Variants in KLHL29 observed in about 807,000 individuals in gnomAD.
KLHL29 encodes kelch like family member 29.
KLHL29 carries 21 observed loss-of-function variants against 80.4 expected under a neutral mutation model. The observed-to-expected ratio is 0.26, with a 90% CI of 0.19 to 0.38. KLHL29 has a LOEUF of 0.38. KLHL29 is among the 10% of genes least tolerant of loss of function. The pLI, the probability that KLHL29 is intolerant of heterozygous loss-of-function variation, is 1.00. For missense variants in KLHL29, 867 were observed against 1,223.9 expected (o/e 0.71, Z 4.35); for synonymous variants, 511 against 526.8 (o/e 0.97, Z 0.41).
At chr2:23,414,425 A>T (rs1666938843) in intron 1 of KLHL29, among the ~76,000 whole-genome samples, 1 of 152,250 alleles carries the variant, frequency 6.6e-6, no homozygotes, top group Admixed American at 6.5e-5. Flanking sequence ...AATTGTTAAA[A>T]GCAAGAAATT....
At position 23,562,417 on chromosome 2, in the gene KLHL29, C is replaced by T. The variant is rs1274973690; in HGVS notation, c.221C>T (p.Thr74Ile). Reference sequence around the variant, plus strand: ...CCGGCTACAGCTCCTGCTCCCTGCACCACCGGCAGCAGCGAGGCCATCACC... The same window carrying T: ...CCGGCTACAGCTCCTGCTCCCTGCATCACCGGCAGCAGCGAGGCCATCACC... ...PTPATAPAPC[T>I]TGSSEAITSL... Residue 74 changes from threonine to isoleucine, a missense_variant, in exon 3 of 14, where the codon ACC becomes ATC. Coordinates refer to ENST00000486442, the MANE Select transcript of KLHL29 (RefSeq NM_052920.2). The surrounding 1 kb of genome is among the most constrained non-coding windows in gnomAD (Gnocchi z 4.5). The T allele has an allele frequency of 6.5e-7, 1 of 1,537,990 alleles. No homozygotes were observed. The highest frequency in any genetic ancestry group is 2.4e-5 in the East Asian group (1 of 40,906).
chr2:23,401,273 G>T (rs1666593131), intron 1 of KLHL29, among the ~76,000 whole-genome samples: 1 of 152,136 alleles, frequency 6.6e-6, no homozygotes, highest in Non-Finnish European at 1.5e-5. Flanking sequence ...GAATTTGGGG[G>T]CCCTCCAAGA....
intron 3 of KLHL29, among the ~76,000 whole-genome samples, chr2:23,563,147 G>A (rs148851054): frequency 0.011 from 1,611 of 152,350 alleles, 12 homozygotes; most frequent in Non-Finnish European, 0.018. Context: ...GGTCATTCCC[G>A]TTTCTTTCAG....
chr2:23,682,736 T>C lies in KLHL29; in HGVS notation c.941-1663T>C, dbSNP rs1440144137. On this transcript the variant is annotated intron_variant, in intron 5 of 13. Coordinates refer to ENST00000486442, the MANE Select transcript of KLHL29 (RefSeq NM_052920.2). The surrounding 1 kb of genome is among the most constrained non-coding windows in gnomAD (Gnocchi z 4.1). ...CTGGTGCTCTGAGCCTGTTGGTCTC[T>C]GTCTGTAGCTCCCACCCCCCTTGCT... Among the ~76,000 whole-genome samples, 1 of 151,840 alleles carries C rather than the reference T, an allele frequency of 6.6e-6. No homozygotes were observed. The highest frequency in any genetic ancestry group is 2.4e-5 in the African/African-American group (1 of 41,358).
chr2:23,615,560 C>T (rs573326937), intron 3 of KLHL29, among the ~76,000 whole-genome samples: 5 of 152,262 alleles, frequency 3.3e-5, no homozygotes, highest in South Asian at 2.1e-4. Context: ...CTGCCTCTCA[C>T]GGTGGACCTG....
chr2:23,639,326 GC>G, intron 4 of KLHL29, 46 bp downstream of exon 4: 1 of 1,527,864 alleles, frequency 6.5e-7, no homozygotes, highest in Non-Finnish European at 8.8e-7. Flanking sequence ...CCAGGGCTTG[GC>G]GGGAAGCTAG....
chr2:23,608,018 C>A (rs1668771237), intron 3 of KLHL29, among the ~76,000 whole-genome samples: 1 of 151,852 alleles, frequency 6.6e-6, no homozygotes, highest in Non-Finnish European at 1.5e-5. Flanking sequence ...TTCTAGGGAC[C>A]CCGGAATTGT....
At chr2:23,525,746 G>T (rs1666294394) in intron 2 of KLHL29, among the ~76,000 whole-genome samples, 1 of 84,782 alleles carries the variant, frequency 1.2e-5, no homozygotes, top group Admixed American at 1.7e-4. Flanking sequence ...CCCACCCGAG[G>T]CGAGCCAGCA....
intron 3 of KLHL29, among the ~76,000 whole-genome samples, chr2:23,604,955 T>C (rs190193027): frequency 3.3e-4 from 50 of 152,166 alleles, no homozygotes; most frequent in African/African-American, 1.1e-3. Flanking sequence ...GATGGGGAAA[T>C]AGGAAGGGCT....
intron 2 of KLHL29, among the ~76,000 whole-genome samples, chr2:23,558,978 C>T (rs115114735): frequency 5.0e-4 from 76 of 152,306 alleles, no homozygotes; most frequent in African/African-American, 1.5e-3. Context: ...AGACAGCAGC[C>T]GTGGCTGCAG....
At chr2:23,580,098 C>T (rs1572414339) in intron 3 of KLHL29, among the ~76,000 whole-genome samples, 1 of 152,212 alleles carries the variant, frequency 6.6e-6, no homozygotes, top group African/African-American at 2.4e-5. Flanking sequence ...AGGCCGGGCG[C>T]GGTGGCTCAC....
At chr2:23,490,244 C>T (rs1292768115) in intron 2 of KLHL29, among the ~76,000 whole-genome samples, 1 of 151,924 alleles carries the variant, frequency 6.6e-6, no homozygotes, top group South Asian at 2.1e-4. Flanking sequence ...ATTTTGTAGG[C>T]CATTGAAGCC....
chr2:23,642,536 C>T lies in KLHL29; in HGVS notation c.626C>T (p.Pro209Leu), dbSNP rs553327378. The change falls in exon 5 of 14, where the codon CCG becomes CTG. Residue 209 changes from proline (P) to leucine (L), a missense_variant. Coordinates refer to ENST00000486442, the MANE Select transcript of KLHL29 (RefSeq NM_052920.2). ...CCAGGCCACTACTCGCTCCCTCAGC[C>T]GCCCTCTCAGCCACTGAGCAGCGTG... ...LMPGHYSLPQ[P>L]PSQPLSSVVV... The T allele has an allele frequency of 2.2e-5, 34 of 1,539,500 alleles. 1 individual carries two copies. In the Middle Eastern group the frequency reaches 6.7e-4, roughly 30 times the overall value.
intron 2 of KLHL29, among the ~76,000 whole-genome samples, chr2:23,526,768 C>T (rs577685071): frequency 8.5e-5 from 13 of 152,318 alleles, no homozygotes; most frequent in Admixed American, 8.5e-4. Context: ...CTCTTCCCAG[C>T]TCCTCATTAG....
intron 2 of KLHL29, among the ~76,000 whole-genome samples, chr2:23,517,254 A>G (rs1417658413): frequency 6.6e-6 from 1 of 152,208 alleles, no homozygotes; most frequent in East Asian, 1.9e-4. Context: ...TTTAAAAACA[A>G]CCTAACTAGG....
intron 2 of KLHL29, among the ~76,000 whole-genome samples, chr2:23,552,569 C>T (rs1038305557): frequency 6.6e-6 from 1 of 152,074 alleles, no homozygotes; most frequent in Non-Finnish European, 1.5e-5. Context: ...ACGTTCTTCC[C>T]TCAAAGCTTT....
rs72796120 is a variant in KLHL29 at position 23,694,488 on chromosome 2, C to A, written c.1542+960C>A. On this transcript the variant is annotated intron_variant, in intron 8 of 13. Transcript: ENST00000486442. ...CCTGAGCGGTCTCTCTAAAAGCACA[C>A]TGAACATCTCATCCATCCACTCAAA... Among the ~76,000 whole-genome samples the A allele has an allele frequency of 6.0e-3, 910 of 152,316 alleles. 1 individual carries two copies. Among genetic ancestry groups the A allele is most frequent in the Non-Finnish European group, 9.6e-3 (651 of 68,014 alleles).
At chr2:23,701,172 C>G (rs956476297) in intron 11 of KLHL29, among the ~76,000 whole-genome samples, 1 of 53,776 alleles carries the variant, frequency 1.9e-5, no homozygotes, top group African/African-American at 4.7e-5. Context: ...AAGCCAGACC[C>G]TGAACCATCC....
intron 2 of KLHL29, among the ~76,000 whole-genome samples, chr2:23,496,224 C>T (rs543651267): frequency 1.7e-4 from 26 of 152,218 alleles, no homozygotes; most frequent in Non-Finnish European, 3.1e-4. Flanking sequence ...TTTGGTTTTG[C>T]ATCCTTAGAC....
Sources: allele counts gnomAD v4.1 joint callset (sites outside exome capture counted in the v4.1 genomes callset), GRCh38; gene constraint gnomAD v4.1.1; non-coding constraint Gnocchi (gnomAD v3.1); transcripts MANE v1.5; gene names NCBI Gene and HGNC (gene_info 2026-07-23, HGNC 2026-07-21).